MAP7: variants seen among roughly 807,000 people sequenced by gnomAD.
The protein encoded by MAP7 is ensconsin.
MAP7 carries 52 observed loss-of-function variants against 94.8 expected under a neutral mutation model. The ratio of observed to expected loss-of-function variants is 0.55; its 90% CI spans 0.44 to 0.69. The LOEUF (loss-of-function observed/expected upper bound fraction) is 0.69, where lower values mean the gene tolerates loss of function less well. MAP7 is among the 30% of genes least tolerant of loss of function. MAP7 has a pLI of 0.00. For synonymous variants in MAP7, 350 were observed against 357.0 expected, an observed-to-expected ratio of 0.98 and a Z score of 0.22; for missense variants, 940 against 964.6, an observed-to-expected ratio of 0.97 and a Z score of 0.34.
chr6:136,352,619 T>G (rs926104691), intron 16 of MAP7, among the ~76,000 whole-genome samples: 4 of 152,220 alleles, frequency 2.6e-5, no homozygotes, highest in Non-Finnish European at 5.9e-5. Context: ...TGATAGTTAT[T>G]CTTTAAATTT....
At chr6:136,512,472 T>C (rs1823563783) in intron 1 of MAP7, among the ~76,000 whole-genome samples, 2 of 152,214 alleles carry the variant, frequency 1.3e-5, no homozygotes, top group Admixed American at 1.3e-4. Context: ...CACCTGTTGA[T>C]GTAATGAAGA....
chr6:136,537,159 T>A (rs549221017), intron 1 of MAP7, among the ~76,000 whole-genome samples: 5 of 149,726 alleles, frequency 3.3e-5, no homozygotes, highest in Middle Eastern at 3.4e-3. Flanking sequence ...TTTTTTTTTT[T>A]AAACTTTGAT....
chr6:136,374,321 C>A (rs1245690730), intron 7 of MAP7, among the ~76,000 whole-genome samples: 1 of 152,198 alleles, frequency 6.6e-6, no homozygotes, highest in East Asian at 1.9e-4. Flanking sequence ...AGCGCCACAA[C>A]AAGGCATTTG....
At chr6:136,464,811 T>G in intron 1 of MAP7, among the ~76,000 whole-genome samples, 1 of 152,242 alleles carries the variant, frequency 6.6e-6, no homozygotes, top group Non-Finnish European at 1.5e-5. Flanking sequence ...CCAGGCACTG[T>G]TCTACGTGCT....
At chr6:136,547,219 A>G (rs1248339638) in intron 1 of MAP7, among the ~76,000 whole-genome samples, 4 of 152,224 alleles carry the variant, frequency 2.6e-5, no homozygotes, top group African/African-American at 9.6e-5. Flanking sequence ...GCTAAAATGG[A>G]CAAAAAGCCC....
rs187675555 is a variant in MAP7 at position 136,357,929 on chromosome 6, A to G, written c.1913-1135T>C. 3.0e-4 allele frequency among the ~76,000 whole-genome samples: 46 copies of G among 152,324 alleles called. 1 individual carries two copies. The highest frequency in any genetic ancestry group is 2.7e-3 in the Admixed American group (42 of 15,292). On this transcript the variant is annotated intron_variant, in intron 15 of 17. Coordinates refer to ENST00000354570, the MANE Select transcript of MAP7 (RefSeq NM_003980.6). The stretch of plus-strand genomic sequence containing the variant: ...TCTGCCCAAATTTGCAAAGCTGGTG[A>G]CAGGCAGCCCCTGAGAAAACATATG...
chr6:136,452,871 A>G (rs1381004063), intron 1 of MAP7, among the ~76,000 whole-genome samples: 1 of 152,092 alleles, frequency 6.6e-6, no homozygotes, highest in Non-Finnish European at 1.5e-5. Context: ...TAATGAAAAT[A>G]TGTATGTTGT....
intron 1 of MAP7, among the ~76,000 whole-genome samples, chr6:136,463,790 G>A (rs1806029376): frequency 6.6e-6 from 1 of 152,172 alleles, no homozygotes; most frequent in African/African-American, 2.4e-5. Flanking sequence ...AACATGAAGT[G>A]TTGGAGCTGA....
At chr6:136,474,664 T>C (rs929669464) in intron 1 of MAP7, among the ~76,000 whole-genome samples, 1 of 152,160 alleles carries the variant, frequency 6.6e-6, no homozygotes, top group East Asian at 1.9e-4. Flanking sequence ...TGTTTCTCTA[T>C]ATTTTATGTA....
intron 1 of MAP7, among the ~76,000 whole-genome samples, chr6:136,426,280 G>A (rs531551949): frequency 2.0e-4 from 31 of 152,144 alleles, no homozygotes; most frequent in Non-Finnish European, 3.4e-4. Context: ...CCTCAGAAAT[G>A]TTAAGTAATT....
chr6:136,505,269 G>GTATATA lies in MAP7; in HGVS notation c.67+45072_67+45073insTATATA, dbSNP rs1201954440. ...CCATGTAATGTGTGTGTGTGTGTGT[G>GTATATA]TGTGTGTGTATATATATATATATAT... On this transcript the variant is annotated intron_variant, in intron 1 of 17. Coordinates refer to ENST00000354570, the MANE Select transcript of MAP7 (RefSeq NM_003980.6). Among the ~76,000 whole-genome samples the GTATATA allele has an allele frequency of 5.2e-4, 52 of 99,410 alleles. 1 individual carries two copies. Among genetic ancestry groups the GTATATA allele is most frequent in the African/African-American group, 2.4e-3 (49 of 20,574 alleles). The allele number at this position is 99,410 out of a possible 152,430, so 65.2% of individuals were successfully genotyped here.
intron 8 of MAP7, among the ~76,000 whole-genome samples, chr6:136,367,994 T>C (rs1794751801): frequency 6.6e-6 from 1 of 152,036 alleles, no homozygotes; most frequent in Admixed American, 6.6e-5. Context: ...TGGGGGTGGT[T>C]GGGGATTATT....
intron 1 of MAP7, among the ~76,000 whole-genome samples, chr6:136,461,025 C>T (rs1000940020): frequency 6.6e-6 from 1 of 152,154 alleles, no homozygotes; most frequent in African/African-American, 2.4e-5. Flanking sequence ...CTCTATACAG[C>T]TGACACAATT....
chr6:136,420,862 T>C (rs1791117188), intron 2 of MAP7, among the ~76,000 whole-genome samples: 1 of 152,184 alleles, frequency 6.6e-6, no homozygotes, highest in Non-Finnish European at 1.5e-5. Flanking sequence ...ATGTTCTCTA[T>C]AAGGTTAGAC....
intron 1 of MAP7, among the ~76,000 whole-genome samples, chr6:136,539,614 C>G (rs1457898509): frequency 6.6e-6 from 1 of 152,112 alleles, no homozygotes; most frequent in African/African-American, 2.4e-5. Flanking sequence ...AAGGTAAGCC[C>G]TCCCAGAAAA....
chr6:136,403,465 C>T (rs1287803743), intron 3 of MAP7, among the ~76,000 whole-genome samples: 1 of 152,202 alleles, frequency 6.6e-6, no homozygotes, highest in African/African-American at 2.4e-5. Flanking sequence ...GGCATTCAAA[C>T]TCTGGATTGT....
rs575592671 is a variant in MAP7 at position 136,357,278 on chromosome 6, A to C, written c.1913-484T>G. Among the ~76,000 whole-genome samples the C allele has an allele frequency of 7.9e-5, 12 of 152,336 alleles. No homozygotes were observed. The South Asian group carries it at 2.1e-3, about 26-fold the overall frequency. ...AGAACAATGAGGATTTCACGAATGG[A>C]AAGCAGTGTACTGTACCTCACCATT... is the stretch of plus-strand genomic sequence containing the variant. On this transcript the variant is annotated intron_variant, in intron 15 of 17. Transcript: ENST00000354570.
At chr6:136,364,499 C>A in intron 10 of MAP7, 1 of 242,148 alleles carries the variant, frequency 4.1e-6, no homozygotes, top group Non-Finnish European at 8.1e-6. Context: ...AAGCTGAACT[C>A]TTAAAAAAAA....
At chr6:136,516,306 T>C (rs566429300) in intron 1 of MAP7, among the ~76,000 whole-genome samples, 1 of 152,048 alleles carries the variant, frequency 6.6e-6, no homozygotes, top group African/African-American at 2.4e-5. Flanking sequence ...AGACCACAGG[T>C]GCACACCACC....
Sources: gnomAD v4.1 joint callset for allele counts (sites outside exome capture counted in the v4.1 genomes callset) on GRCh38, gnomAD v4.1.1 for gene constraint, MANE v1.5 for transcripts, NCBI Gene and HGNC (gene_info 2026-07-23, HGNC 2026-07-21) for gene names.